ATP13A3: variants seen among roughly 807,000 people sequenced by gnomAD.
ATP13A3 encodes polyamine-transporting ATPase 13A3.
In ATP13A3, 59 loss-of-function variants were observed where a neutral mutation model predicts 158.1. That is an observed-to-expected ratio of 0.37 (90% CI 0.30 to 0.46). The LOEUF is 0.46. Among genes scored for constraint, ATP13A3 ranks in the 20% least tolerant of loss-of-function variants. The pLI is 1.00. For missense variants in ATP13A3, 1,166 were observed against 1,525.2 expected (o/e 0.76, Z 3.92); for synonymous variants, 491 against 504.3 (o/e 0.97, Z 0.35).
chr3:194,403,951 C>G lies in ATP13A3; in HGVS notation c.*1968G>C, dbSNP rs1486925490. 1 of 330,864 alleles carries G rather than the reference C, an allele frequency of 3.0e-6. No homozygotes were observed. Among genetic ancestry groups the G allele is most frequent in the African/African-American group, 2.2e-5 (1 of 45,074 alleles). 20.5% of individuals were successfully genotyped at this position (330,864 alleles called of 1,614,324 possible). On this transcript the variant is annotated 3_prime_UTR_variant, in exon 34 of 34. Transcript: ENST00000645319. Reference sequence around the variant, plus strand: ...GGTGTCAAAAATAGCTCTTTATGATCATGCTCTTAAAGATGTTAAATACAA... The same window carrying G: ...GGTGTCAAAAATAGCTCTTTATGATGATGCTCTTAAAGATGTTAAATACAA...
intron 17 of ATP13A3, among the ~76,000 whole-genome samples, chr3:194,438,307 T>G (rs1488220897): frequency 6.6e-6 from 1 of 152,126 alleles, no homozygotes; most frequent in Non-Finnish European, 1.5e-5. Context: ...TACTTATACA[T>G]GTAAAAAAAA....
chr3:194,483,122 A>AT (rs1553809629), intron 2 of ATP13A3, among the ~76,000 whole-genome samples: 3 of 149,712 alleles, frequency 2.0e-5, no homozygotes, highest in Admixed American at 2.0e-4. Flanking sequence ...AAAAAAAAAA[A>AT]TTTTTTTTTA....
chr3:194,410,323 A>AAAAAAAAAC lies in ATP13A3; in HGVS notation c.3573+1867_3573+1875dup, dbSNP rs1560066800. Among the ~76,000 whole-genome samples, 8 of 144,324 alleles carry AAAAAAAAAC rather than the reference A, an allele frequency of 5.5e-5. 1 individual carries two copies. The highest frequency in any genetic ancestry group is 2.2e-4 in the African/African-American group (8 of 36,934). 94.7% of individuals were successfully genotyped at this position (144,324 alleles called of 152,430 possible). ...AAAAAAAAAAAAAAAAAAAAAAAAA[A>AAAAAAAAAC]AAAAAAAACTGCTGGGCCTGGGATG... On this transcript the variant is annotated intron_variant, in intron 33 of 33. Transcript: ENST00000645319.
At chr3:194,419,006 A>G (rs1716096814) in intron 31 of ATP13A3, among the ~76,000 whole-genome samples, 1 of 152,210 alleles carries the variant, frequency 6.6e-6, no homozygotes, top group East Asian at 1.9e-4. Flanking sequence ...ACTTACCCCC[A>G]TACACTGAAA....
At chr3:194,423,984 C>G (rs936319274) in intron 30 of ATP13A3, among the ~76,000 whole-genome samples, 2 of 151,236 alleles carry the variant, frequency 1.3e-5, no homozygotes, top group Non-Finnish European at 2.9e-5. Flanking sequence ...TTTCAGCTAC[C>G]CTTACATGTG....
At chr3:194,421,944 C>CAAAAAAAAAAAAAAAAAAAAAAAAAAAAA (rs397972334) in intron 30 of ATP13A3, among the ~76,000 whole-genome samples, 1 of 97,484 alleles carries the variant, frequency 1.0e-5, no homozygotes, top group African/African-American at 4.3e-5. Context: ...GTGTCGTTGG[C>CAAAAAAAAAAAAAAAAAAAAAAAAAAAAA]AAAAAAAAAA....
chr3:194,478,761 C>A (rs1460784367), intron 2 of ATP13A3, among the ~76,000 whole-genome samples: 1 of 152,156 alleles, frequency 6.6e-6, no homozygotes, highest in African/African-American at 2.4e-5. Context: ...CTGAAGAATA[C>A]AACGTGAATG....
At position 194,429,772 on chromosome 3, in the gene ATP13A3, T is replaced by C; in HGVS notation, c.2780A>G (p.Glu927Gly). 1 of 1,613,228 alleles carries C rather than the reference T, an allele frequency of 6.2e-7. No homozygotes were observed. Among genetic ancestry groups the C allele is most frequent in the Non-Finnish European group, 8.5e-7 (1 of 1,179,482 alleles). The part of the protein sequence containing the change: ...SISCVPNLIR[E>G]GRAALITSFC... ...GGAAGTTATTAAAGCAGCACGGCCT[T>C]CCCTGTGAAAAGAAATCAAATGTCG... Residue 927 changes from glutamate to glycine, a missense_variant and splice_region_variant, in exon 27 of 34, where the codon GAA becomes GGA. Coordinates refer to ENST00000645319, the MANE Select transcript of ATP13A3 (RefSeq NM_001367549.1).
rs528088164 is a variant in ATP13A3 at position 194,456,311 on chromosome 3, T to C, written c.561-349A>G. Among the ~76,000 whole-genome samples the C allele has an allele frequency of 4.1e-5, 6 of 147,482 alleles. No individual in the cohort carries two copies. In the South Asian group the frequency reaches 1.4e-3, roughly 34 times the overall value. ...CAATTATTTTTTGCAAGAAGCCAAA[T>C]AAATTTGAGGGATCTTATTTTTTTT... On this transcript the variant is annotated intron_variant, in intron 7 of 33. Transcript: ENST00000645319.
At chr3:194,424,293 T>C (rs1223950351) in intron 30 of ATP13A3, 1 of 151,562 alleles carries the variant, frequency 6.6e-6, no homozygotes, top group Non-Finnish European at 1.5e-5. Flanking sequence ...TAGCAATATA[T>C]AACAATAAAT....
chr3:194,414,396 G>A (rs1342187887), intron 31 of ATP13A3, among the ~76,000 whole-genome samples: 2 of 151,556 alleles, frequency 1.3e-5, no homozygotes, highest in East Asian at 3.9e-4. Context: ...CTGGGAAGTG[G>A]AGGCTGCAGT....
At position 194,455,826 on chromosome 3, in the gene ATP13A3, C is replaced by G. The variant is rs540202124; in HGVS notation, c.630+67G>C. The G allele has an allele frequency of 4.3e-4, 428 of 989,366 alleles. No individual in the cohort carries two copies. The Middle Eastern group carries it at 4.7e-3, about 11-fold the overall frequency. 61.3% of individuals were successfully genotyped at this position (989,366 alleles called of 1,614,324 possible). A position where few individuals can be genotyped will look rare whatever the true frequency, so the allele number is the denominator to read the frequency against. On this transcript the variant is annotated intron_variant, in intron 8 of 33. Transcript: ENST00000645319. The stretch of plus-strand genomic sequence containing the variant: ...AAGAAAACCAAGAATATTTTAATCA[C>G]AACTCATTCCAAATTGACACATCCA...
At chr3:194,457,785 CTTT>C (rs147162535) in intron 6 of ATP13A3, among the ~76,000 whole-genome samples, 6 of 127,902 alleles carry the variant, frequency 4.7e-5, no homozygotes, top group Admixed American at 7.8e-5. Flanking sequence ...CTTAATTATG[CTTT>C]TTTTTTTTTT....
At chr3:194,460,239 T>C (rs1054298780) in intron 4 of ATP13A3, among the ~76,000 whole-genome samples, 3 of 152,192 alleles carry the variant, frequency 2.0e-5, no homozygotes, top group Non-Finnish European at 4.4e-5. Context: ...TTAATTAGTC[T>C]CTATATTTGG....
intron 10 of ATP13A3, chr3:194,451,170 T>C (rs1391763137): frequency 1.3e-5 from 2 of 152,128 alleles, no homozygotes; most frequent in African/African-American, 4.8e-5. Context: ...TTCCTTTTTT[T>C]AAAAAAGGAA....
At chr3:194,453,419 C>T (rs1456053408) in intron 10 of ATP13A3, among the ~76,000 whole-genome samples, 1 of 141,542 alleles carries the variant, frequency 7.1e-6, no homozygotes, top group Non-Finnish European at 1.5e-5. Flanking sequence ...ATGGCAAAAC[C>T]CTGTCTCTAA....
intron 29 of ATP13A3, 105 bp downstream of exon 29, chr3:194,426,970 C>T (rs1716824272): frequency 2.4e-6 from 3 of 1,235,350 alleles, no homozygotes; most frequent in Non-Finnish European, 1.1e-6. Flanking sequence ...CAGGTGTGAG[C>T]CACCGCACCT....
chr3:194,409,061 C>T (rs1289679438), intron 33 of ATP13A3, among the ~76,000 whole-genome samples: 1 of 152,172 alleles, frequency 6.6e-6, no homozygotes, highest in Non-Finnish European at 1.5e-5. Flanking sequence ...CAGTTTGTTT[C>T]TGAAAGGAAT....
chr3:194,453,307 C>G (rs1202365837), intron 10 of ATP13A3, among the ~76,000 whole-genome samples: 1 of 147,532 alleles, frequency 6.8e-6, no homozygotes, highest in Admixed American at 6.8e-5. Context: ...AAAAAAAGGC[C>G]GGGTGCACAG....
Sources: allele counts gnomAD v4.1 joint callset (sites outside exome capture counted in the v4.1 genomes callset), GRCh38; gene constraint gnomAD v4.1.1; transcripts MANE v1.5; gene names NCBI Gene and HGNC (gene_info 2026-07-23, HGNC 2026-07-21).